Variants in LPAR2 observed in about 807,000 individuals in gnomAD.
LPAR2 encodes the protein G protein-coupled receptor.
In LPAR2, 10 loss-of-function variants were observed where a neutral mutation model predicts 15.6. The ratio of observed to expected loss-of-function variants is 0.64; its 90% CI spans 0.39 to 1.09. LPAR2 has a LOEUF of 1.09. Ranked by LOEUF, LPAR2 falls within the 50% of genes least tolerant of loss-of-function variation. The probability of loss-of-function intolerance (pLI) is 0.01; values close to 1 mark genes in which losing one functional copy is unlikely to be tolerated. For synonymous variants in LPAR2, 204 were observed against 207.4 expected, an observed-to-expected ratio of 0.98 and a Z score of 0.14; for missense variants, 413 against 484.6, an observed-to-expected ratio of 0.85 and a Z score of 1.39.
chr19:19,624,543 C>G lies in LPAR2; in HGVS notation c.769G>C (p.Gly257Arg). 6.2e-7 allele frequency: 1 copy of G among 1,608,446 alleles called. No homozygotes were observed. The highest frequency in any genetic ancestry group is 2.2e-5 in the East Asian group (1 of 44,798). Residue 257 changes from glycine (G) to arginine (R), a missense_variant, in exon 3 of 3, where the codon GGC becomes CGC. Coordinates refer to ENST00000407877, the MANE Select transcript of LPAR2 (RefSeq NM_004720.7). ...CCATCCAGGAGCAGTACCACCTGGCCTGGTGTCCAGCAGACCACGAACGCC... is the reference window on the plus strand; with the variant it reads ...CCATCCAGGAGCAGTACCACCTGGCGTGGTGTCCAGCAGACCACGAACGCC...
chr19:19,627,817 C>T lies in LPAR2; in HGVS notation c.-1+275G>A, dbSNP rs2061750789. The T allele has an allele frequency of 6.4e-6, 1 of 157,018 alleles. No homozygotes were observed. Among genetic ancestry groups the T allele is most frequent in the Admixed American group, 6.3e-5 (1 of 15,902 alleles). 9.7% of individuals were successfully genotyped at this position (157,018 alleles called of 1,614,324 possible). ...GATCGGAGTGGACAGAGAGGCGGCCCCAGAAGTTAGTCGGCGGGATTTGGG... is the reference window on the plus strand; with the variant it reads ...GATCGGAGTGGACAGAGAGGCGGCCTCAGAAGTTAGTCGGCGGGATTTGGG... On this transcript the variant is annotated intron_variant, in intron 1 of 2. Transcript: ENST00000407877. The surrounding 1 kb of genome is among the most constrained non-coding windows in gnomAD (Gnocchi z 4.7).
chr19:19,624,091 G>T lies in LPAR2; in HGVS notation c.*165C>A. 3 of 710,788 alleles carry T rather than the reference G, an allele frequency of 4.2e-6. No individual in the cohort carries two copies. Among genetic ancestry groups the T allele is most frequent in the Non-Finnish European group, 7.2e-6 (3 of 417,348 alleles). 44.0% of individuals were successfully genotyped at this position (710,788 alleles called of 1,614,324 possible). A position where few individuals can be genotyped will look rare whatever the true frequency, so the allele number is the denominator to read the frequency against. ...AGATGACCCAAAGCCCCCATTCCCTGGGCAGAGTGGTGTGCCTGGGGAGGC... is the reference window on the plus strand; with the variant it reads ...AGATGACCCAAAGCCCCCATTCCCTTGGCAGAGTGGTGTGCCTGGGGAGGC... On this transcript the variant is annotated 3_prime_UTR_variant, in exon 3 of 3. Coordinates refer to ENST00000407877, the MANE Select transcript of LPAR2 (RefSeq NM_004720.7).
intron 2 of LPAR2, 42 bp from the exon 3 acceptor site, chr19:19,624,611 G>A (rs763516309): frequency 6.6e-7 from 1 of 1,516,234 alleles, no homozygotes; most frequent in African/African-American, 1.4e-5. Flanking sequence ...AGCTGTCAGA[G>A]GCCCGGCACC....
rs1165665837 is a variant in LPAR2 at position 19,626,568 on chromosome 19, C to A, written c.717G>T (p.Leu239=). The stretch of plus-strand genomic sequence containing the variant: ...CCAGGATGATGACAACAGTCTTGAC[C>A]AGGCTGAGCGTGGTCTCTCGGTAGC... The change falls in exon 2 of 3, where the codon CTG becomes CTT. Residue 239 remains leucine (L), a synonymous_variant. Coordinates refer to ENST00000407877, the MANE Select transcript of LPAR2 (RefSeq NM_004720.7). This position sits in a 1 kb window ranked among gnomAD's most constrained non-coding sequence, Gnocchi z 5.3. 1.2e-6 allele frequency: 2 copies of A among 1,609,848 alleles called. No homozygotes were observed. Among genetic ancestry groups the A allele is most frequent in the Non-Finnish European group, 8.5e-7 (1 of 1,178,252 alleles).
intron 2 of LPAR2, among the ~76,000 whole-genome samples, chr19:19,625,800 A>T (rs1446336369): frequency 6.6e-6 from 1 of 151,032 alleles, no homozygotes; most frequent in African/African-American, 2.4e-5. Context: ...AAAAAAAAAA[A>T]TTAAAAATAC....
rs935090311 is a variant in LPAR2 at position 19,626,741 on chromosome 19, C to T, written c.544G>A (p.Ala182Thr). ...AAATAGGAGCGGCTGAGCAGGGGTGCCATGCGTGAGCAGCGGTCCAGGGCA... is the reference window on the plus strand; with the variant it reads ...AAATAGGAGCGGCTGAGCAGGGGTGTCATGCGTGAGCAGCGGTCCAGGGCA... Residue 182 changes from alanine to threonine, a missense_variant, in exon 2 of 3, where the codon GCA becomes ACA. By Grantham distance (58) the Ala-to-Thr change is moderately conservative. Transcript: ENST00000407877. The surrounding 1 kb of genome is among the most constrained non-coding windows in gnomAD (Gnocchi z 5.3). The T allele has an allele frequency of 1.2e-6, 2 of 1,613,084 alleles. No individual in the cohort carries two copies. Among genetic ancestry groups the T allele is most frequent in the Admixed American group, 1.7e-5 (1 of 59,978 alleles).
chr19:19,626,537 A>G lies in LPAR2; in HGVS notation c.742+6T>C. On this transcript the variant is annotated splice_donor_region_variant and intron_variant, in intron 2 of 2. Transcript: ENST00000407877. The surrounding 1 kb of genome is among the most constrained non-coding windows in gnomAD (Gnocchi z 5.3). ...GTCCCTGTTGCCCCCTGGGGGCCCC[A>G]CTTACCCAGGATGATGACAACAGTC... 6.3e-7 allele frequency: 1 copy of G among 1,588,610 alleles called. No individual in the cohort carries two copies. Among genetic ancestry groups the G allele is most frequent in the South Asian group, 1.1e-5 (1 of 87,900 alleles).
chr19:19,626,108 C>T lies in LPAR2; in HGVS notation c.742+435G>A, dbSNP rs2061738629. 6.6e-6 allele frequency among the ~76,000 whole-genome samples: 1 copy of T among 152,076 alleles called. No homozygotes were observed. The highest frequency in any genetic ancestry group is 2.4e-5 in the African/African-American group (1 of 41,442). The stretch of plus-strand genomic sequence containing the variant: ...ATGTTGGTCAGGCTGGTCGTGAACT[C>T]CCAACCTCAGCTGATCTGCCCGCCT... On this transcript the variant is annotated intron_variant, in intron 2 of 2. Coordinates refer to ENST00000407877, the MANE Select transcript of LPAR2 (RefSeq NM_004720.7). The surrounding 1 kb of genome is among the most constrained non-coding windows in gnomAD (Gnocchi z 5.3).
Position 19,627,327 on chromosome 19 carries a change from GA to G in LPAR2, c.1-44del. On this transcript the variant is annotated intron_variant, in intron 1 of 2. Coordinates refer to ENST00000407877, the MANE Select transcript of LPAR2 (RefSeq NM_004720.7). This position sits in a 1 kb window ranked among gnomAD's most constrained non-coding sequence, Gnocchi z 4.7. ...CAGTGCATGTGGCACTTCTTGGAAG[GA>G]CACAGGGAGGGGCGGCAGCTGCAGA... 1.3e-6 allele frequency: 2 copies of G among 1,564,730 alleles called. No individual in the cohort carries two copies. The highest frequency in any genetic ancestry group is 1.7e-6 in the Non-Finnish European group (2 of 1,158,122).
Position 19,627,096 on chromosome 19 carries a change from G to C in LPAR2, c.189C>G (p.Phe63Leu). 1 of 1,612,524 alleles carries C rather than the reference G, an allele frequency of 6.2e-7. No homozygotes were observed. The highest frequency in any genetic ancestry group is 8.5e-7 in the Non-Finnish European group (1 of 1,179,432). Residue 63 changes from phenylalanine to leucine, a missense_variant, in exon 2 of 3, where the codon TTC becomes TTG. Transcript: ENST00000407877. This position sits in a 1 kb window ranked among gnomAD's most constrained non-coding sequence, Gnocchi z 4.7. ...CGAGCAGGTAGTAGATGGGCTGGTG[G>C]AAGCGGCGGTTGGAGGCGATGGCTG... is the stretch of plus-strand genomic sequence containing the variant.
Position 19,624,169 on chromosome 19 carries a change from T to C in LPAR2, c.*87A>G. 1 of 1,354,186 alleles carries C rather than the reference T, an allele frequency of 7.4e-7. No homozygotes were observed. Among genetic ancestry groups the C allele is most frequent in the Non-Finnish European group, 1.0e-6 (1 of 976,064 alleles). The allele number at this position is 1,354,186 out of a possible 1,614,324, so 83.9% of individuals were successfully genotyped here. On this transcript the variant is annotated 3_prime_UTR_variant, in exon 3 of 3. Coordinates refer to ENST00000407877, the MANE Select transcript of LPAR2 (RefSeq NM_004720.7). ...CCTTGTCCTGCCAGTCAGTCAGTCC[T>C]GTTGGTTGGGTTGAGCCAGGAGCAC...
chr19:19,627,066 A>T lies in LPAR2; in HGVS notation c.219T>A (p.Asn73Lys). The T allele has an allele frequency of 6.2e-7, 1 of 1,613,710 alleles. No individual in the cohort carries two copies. The highest frequency in any genetic ancestry group is 8.5e-7 in the Non-Finnish European group (1 of 1,179,948). The change falls in exon 2 of 3, where the codon AAT becomes AAA. Residue 73 changes from asparagine to lysine, a missense_variant. Physicochemically the swap from Asn to Lys is moderately conservative, Grantham distance 94. Transcript: ENST00000407877. The surrounding 1 kb of genome is among the most constrained non-coding windows in gnomAD (Gnocchi z 4.7). ...CCGCGAAGAGGTCAGCCGCGGCCAG[A>T]TTGCCGAGCAGGTAGTAGATGGGCT...
At chr19:19,625,812 T>A (rs2061737121) in intron 2 of LPAR2, among the ~76,000 whole-genome samples, 1 of 146,958 alleles carries the variant, frequency 6.8e-6, no homozygotes. Context: ...TAAAAATACA[T>A]ATAGATTAAA....
chr19:19,625,846 A>G (rs2061737271), intron 2 of LPAR2, among the ~76,000 whole-genome samples: 2 of 151,008 alleles, frequency 1.3e-5, no homozygotes, highest in South Asian at 4.2e-4. Flanking sequence ...GCTTTTTGTT[A>G]AAACAGGCTT....
chr19:19,625,510 C>T (rs910628964), intron 2 of LPAR2, among the ~76,000 whole-genome samples: 1 of 151,756 alleles, frequency 6.6e-6, no homozygotes, highest in Admixed American at 6.6e-5. Flanking sequence ...ATGGGCCGGG[C>T]GTGGTGGCTC....
rs746494590 is a variant in LPAR2 at position 19,626,977 on chromosome 19, C to T, written c.308G>A (p.Gly103Asp). ...CAGCAAGCCCTGCCGCAGGAACCAG[C>T]CCTCAAGTGAAAGTCGGGCTGTGCG... Residue 103 changes from glycine (G) to aspartate (D), a missense_variant, in exon 2 of 3, where the codon GGC becomes GAC. Gly to Asp is a moderately conservative substitution (Grantham distance 94). Transcript: ENST00000407877. This position sits in a 1 kb window ranked among gnomAD's most constrained non-coding sequence, Gnocchi z 5.3. 2 of 1,612,794 alleles carry T rather than the reference C, an allele frequency of 1.2e-6. No homozygotes were observed. The highest frequency in any genetic ancestry group is 1.7e-6 in the Non-Finnish European group (2 of 1,179,736).
At chr19:19,625,874 CTT>C (rs545532352) in intron 2 of LPAR2, among the ~76,000 whole-genome samples, 5 of 129,852 alleles carry the variant, frequency 3.9e-5, no homozygotes, top group Admixed American at 1.6e-4. Context: ...CTAAAAACTC[CTT>C]TTTTTTTTTT....
chr19:19,625,745 T>G (rs2061736346), intron 2 of LPAR2, among the ~76,000 whole-genome samples: 1 of 138,554 alleles, frequency 7.2e-6, no homozygotes, highest in Non-Finnish European at 1.5e-5. Context: ...ATTGCGCCAC[T>G]GCACTCCAGC....
chr19:19,624,561 C>T lies in LPAR2; in HGVS notation c.751G>A (p.Val251Met). Residue 251 changes from valine (V) to methionine (M), a missense_variant, in exon 3 of 3, where the codon GTG (valine) becomes ATG (methionine). Val to Met is a conservative substitution (Grantham distance 21). Transcript: ENST00000407877. ...ACCTGGCCTGGTGTCCAGCAGACCA[C>T]GAACGCCCCTGTGGGACAGAGGCGG... The T allele has an allele frequency of 1.3e-6, 2 of 1,597,528 alleles. No individual in the cohort carries two copies. Among genetic ancestry groups the T allele is most frequent in the Non-Finnish European group, 1.7e-6 (2 of 1,169,650 alleles).
Sources: gnomAD v4.1 joint callset for allele counts (sites outside exome capture counted in the v4.1 genomes callset) on GRCh38, gnomAD v4.1.1 for gene constraint, Gnocchi (gnomAD v3.1) non-coding constraint, MANE v1.5 for transcripts, NCBI Gene and HGNC (gene_info 2026-07-23, HGNC 2026-07-21) for gene names.